The following LITAF variants were observed in gnomAD, a reference collection of about 807,000 sequenced individuals.
LITAF encodes the protein lipopolysaccharide-induced tumor necrosis factor-alpha factor.
A neutral mutation model predicts 14.5 loss-of-function variants in LITAF; 9 were observed. The observed-to-expected ratio is 0.62, with a 90% confidence interval of 0.37 to 1.08. The LOEUF is 1.08. Among genes scored for constraint, LITAF ranks in the 50% least tolerant of loss-of-function variants. The pLI, the probability that LITAF is intolerant of heterozygous loss-of-function variation, is 0.01. For synonymous variants in LITAF, 98 were observed against 88.2 expected (o/e 1.11, Z -0.62); for missense variants, 206 against 213.4 (o/e 0.97, Z 0.22).
intron 2 of LITAF, among the ~76,000 whole-genome samples, chr16:11,554,415 A>G (rs1354636115): frequency 6.6e-6 from 1 of 152,186 alleles, no homozygotes; most frequent in African/African-American, 2.4e-5. Flanking sequence ...GTGTTGATAC[A>G]AGAAATGAAA....
chr16:11,557,624 A>C (rs75523506), intron 1 of LITAF, among the ~76,000 whole-genome samples: 1 of 151,646 alleles, frequency 6.6e-6, no homozygotes, highest in South Asian at 2.1e-4. Context: ...TAATGTTTTC[A>C]TTTTTTGTAG....
intron 3 of LITAF, among the ~76,000 whole-genome samples, chr16:11,613,889 T>C (rs747587203): frequency 2.6e-4 from 40 of 152,248 alleles, no homozygotes; most frequent in Non-Finnish European, 4.9e-4. Context: ...CTTCTCTCGC[T>C]GAATGTTTAT....
At chr16:11,628,320 T>C (rs1406259170) in intron 3 of LITAF, among the ~76,000 whole-genome samples, 1 of 152,134 alleles carries the variant, frequency 6.6e-6, no homozygotes, top group Non-Finnish European at 1.5e-5. Flanking sequence ...CTCCTTTCTC[T>C]TCCAGCTAAG....
At chr16:11,591,521 A>G (rs1215228022), upstream of LITAF, among the ~76,000 whole-genome samples, 2 of 152,182 alleles carry the variant, frequency 1.3e-5, no homozygotes, top group Non-Finnish European at 2.9e-5. Context: ...ACAGAGATAC[A>G]GTAATCAAAG....
At chr16:11,592,309 C>T (rs778727881) in intron 1 of LITAF, among the ~76,000 whole-genome samples, 2 of 152,200 alleles carry the variant, frequency 1.3e-5, no homozygotes, top group African/African-American at 2.4e-5. Context: ...GGTGCGGTGG[C>T]TCACGCCTAT....
At chr16:11,602,067 C>G (rs927276740), upstream of LITAF, among the ~76,000 whole-genome samples, 1 of 152,214 alleles carries the variant, frequency 6.6e-6, no homozygotes, top group African/African-American at 2.4e-5. Flanking sequence ...TAAGATAACT[C>G]TGCCCAATGG....
chr16:11,587,268 G>A (rs2064818687), upstream of LITAF: 3 of 345,832 alleles, frequency 8.7e-6, no homozygotes, highest in Admixed American at 6.2e-5. Context: ...CTGATTTGCC[G>A]CTCGCGGCTC....
At chr16:11,587,527 A>G, upstream of LITAF, 1 of 441,714 alleles carries the variant, frequency 2.3e-6, no homozygotes, top group South Asian at 1.6e-5. Flanking sequence ...CCTAAGACCG[A>G]CTGGGAGTGA....
At chr16:11,619,802 G>A (rs1429480989) in intron 3 of LITAF, among the ~76,000 whole-genome samples, 1 of 152,016 alleles carries the variant, frequency 6.6e-6, no homozygotes, top group Non-Finnish European at 1.5e-5. Flanking sequence ...TCAACTCCTG[G>A]CCTCAAGCGA....
At position 11,579,247 on chromosome 16, in the gene LITAF, C is replaced by T. The variant is rs577932303; in HGVS notation, c.-6+7639G>A. 2.6e-5 allele frequency among the ~76,000 whole-genome samples: 4 copies of T among 151,816 alleles called. No individual in the cohort carries two copies. In the East Asian group the frequency reaches 5.8e-4, roughly 22 times the overall value. On this transcript the variant is annotated intron_variant, in intron 1 of 3. Transcript: ENST00000622633. ...CAGGTGGATCATGAGGTCAGGAGAT[C>T]GAGACCATCCTGGCTAACACGGTGA...
Position 11,548,001 on chromosome 16 carries a change from C to G in LITAF, c.*1636G>C. 1 of 454,078 alleles carries G rather than the reference C, an allele frequency of 2.2e-6. No homozygotes were observed. The highest frequency in any genetic ancestry group is 1.6e-5 in the South Asian group (1 of 64,476). The allele number at this position is 454,078 out of a possible 1,614,324, so 28.1% of individuals were successfully genotyped here. A position where few individuals can be genotyped will look rare whatever the true frequency, so the allele number is the denominator to read the frequency against. ...ACCAAAAGAACTCATAAATAGTTCACCGGGTGAACCAAAGACTTTATTTTT... is the reference window on the plus strand; with the variant it reads ...ACCAAAAGAACTCATAAATAGTTCAGCGGGTGAACCAAAGACTTTATTTTT... On this transcript the variant is annotated 3_prime_UTR_variant, in exon 4 of 4. Transcript: ENST00000622633.
At chr16:11,556,189 C>A in intron 2 of LITAF, 1 of 480,572 alleles carries the variant, frequency 2.1e-6, no homozygotes, top group Non-Finnish European at 3.7e-6. Flanking sequence ...TGCATCAGAC[C>A]TCAGGAGGAA....
chr16:11,583,310 G>A (rs901744515), intron 1 of LITAF, among the ~76,000 whole-genome samples: 7 of 152,154 alleles, frequency 4.6e-5, no homozygotes, highest in Non-Finnish European at 8.8e-5. Flanking sequence ...TTTGTGGAAT[G>A]GAAAATGCTT....
intron 3 of LITAF, among the ~76,000 whole-genome samples, chr16:11,627,773 G>C (rs141691131): frequency 0.02 from 3,104 of 152,282 alleles, 105 homozygotes; most frequent in African/African-American, 0.071. Flanking sequence ...GCATCCGGGA[G>C]GCAGAGGTTG....
chr16:11,600,898 C>T (rs1279051480), upstream of LITAF, among the ~76,000 whole-genome samples: 1 of 152,104 alleles, frequency 6.6e-6, no homozygotes, highest in African/African-American at 2.4e-5. The surrounding 1 kb of genome is among the most constrained non-coding windows in gnomAD (Gnocchi z 4.1). Context: ...GGTACAAGAG[C>T]TCGGGAACTG....
chr16:11,637,098 C>T (rs1180247412), upstream of LITAF, among the ~76,000 whole-genome samples: 1 of 152,156 alleles, frequency 6.6e-6, no homozygotes, highest in Non-Finnish European at 1.5e-5. Context: ...ACCATGTTGG[C>T]CGGGCTGGTC....
At chr16:11,621,927 G>C (rs2065053681) in intron 3 of LITAF, among the ~76,000 whole-genome samples, 2 of 152,124 alleles carry the variant, frequency 1.3e-5, no homozygotes, top group Non-Finnish European at 2.9e-5. Context: ...GGGAAGGCAA[G>C]ACCTTCCCAT....
upstream of LITAF, among the ~76,000 whole-genome samples, chr16:11,638,077 T>G (rs1187839772): frequency 6.2e-4 from 83 of 133,990 alleles, 8 homozygotes; most frequent in Middle Eastern, 3.7e-3. Flanking sequence ...TATATATATA[T>G]CTATATCTAT....
intron 3 of LITAF, among the ~76,000 whole-genome samples, chr16:11,620,179 A>AG (rs1425521447): frequency 2.0e-5 from 3 of 151,268 alleles, no homozygotes; most frequent in African/African-American, 7.3e-5. Context: ...AAAAAAAAAA[A>AG]AAAAGAAAAG....
Sources: allele counts gnomAD v4.1 joint callset (sites outside exome capture counted in the v4.1 genomes callset), GRCh38; gene constraint gnomAD v4.1.1; non-coding constraint Gnocchi (gnomAD v3.1); transcripts MANE v1.5; gene names NCBI Gene and HGNC (gene_info 2026-07-23, HGNC 2026-07-21).